Variants in ABHD17C observed in about 807,000 individuals in gnomAD.
ABHD17C encodes abhydrolase domain containing 17C, depalmitoylase.
A neutral mutation model predicts 27.9 loss-of-function variants in ABHD17C; 11 were observed. The ratio of observed to expected loss-of-function variants is 0.39; its 90% CI spans 0.25 to 0.65. The LOEUF is 0.65. ABHD17C is among the 30% of genes least tolerant of loss of function. The pLI is 0.45. For synonymous variants in ABHD17C, 233 were observed against 209.1 expected (o/e 1.11, Z -0.98); for missense variants, 280 against 470.2 (o/e 0.60, Z 3.74).
At chr15:80,740,038 GT>G (rs1895187627) in intron 1 of ABHD17C, among the ~76,000 whole-genome samples, 1 of 152,084 alleles carries the variant, frequency 6.6e-6, no homozygotes, top group South Asian at 2.1e-4. Flanking sequence ...GTTTTCATTT[GT>G]TTTGTTTTCT....
chr15:80,740,318 C>T (rs532448677), intron 1 of ABHD17C, among the ~76,000 whole-genome samples: 3 of 152,240 alleles, frequency 2.0e-5, no homozygotes, highest in Admixed American at 6.5e-5. Flanking sequence ...TGAGCCCTTA[C>T]GATAGACTCT....
intron 2 of ABHD17C, 51 bp downstream of exon 2, chr15:80,749,743 A>G: frequency 9.0e-6 from 14 of 1,554,132 alleles, no homozygotes; most frequent in Non-Finnish European, 1.2e-5. Flanking sequence ...GACTGTGTTT[A>G]TATCTGATGC....
rs183067783 is a variant in ABHD17C, at chr15:80,755,254, T to G, written c.*884T>G. On this transcript the variant is annotated 3_prime_UTR_variant, in exon 3 of 3. Coordinates refer to ENST00000258884, the MANE Select transcript of ABHD17C (RefSeq NM_021214.2). The stretch of plus-strand genomic sequence containing the variant: ...ATATGTTTTTATTCCTATGTTTTGC[T>G]ATTAAAAATTTTATAACATTTCCAA... The G allele has an allele frequency of 1.3e-5, 2 of 152,354 alleles. No individual in the cohort carries two copies. The highest frequency in any genetic ancestry group is 1.3e-4 in the Admixed American group (2 of 15,310). The allele number at this position is 152,354 out of a possible 1,614,324, so 9.4% of individuals were successfully genotyped here. A position where few individuals can be genotyped will look rare whatever the true frequency, so the allele number is the denominator to read the frequency against.
intron 1 of ABHD17C, among the ~76,000 whole-genome samples, chr15:80,710,523 A>G (rs1299545938): frequency 6.6e-6 from 1 of 152,218 alleles, no homozygotes; most frequent in Non-Finnish European, 1.5e-5. Context: ...ATGCAAATGC[A>G]GTATTTTAGA....
At chr15:80,698,176 T>A (rs1201153731) in intron 1 of ABHD17C, among the ~76,000 whole-genome samples, 3 of 149,590 alleles carry the variant, frequency 2.0e-5, no homozygotes, top group Non-Finnish European at 4.4e-5. Flanking sequence ...GCCATTCTCC[T>A]ACCTCAGCCT....
At chr15:80,726,888 A>G (rs1894988220) in intron 1 of ABHD17C, among the ~76,000 whole-genome samples, 1 of 152,120 alleles carries the variant, frequency 6.6e-6, no homozygotes, top group Non-Finnish European at 1.5e-5. Flanking sequence ...ATTTACTTTG[A>G]TTCTTAAGTT....
chr15:80,724,246 T>C (rs1894940481), intron 1 of ABHD17C, among the ~76,000 whole-genome samples: 2 of 151,972 alleles, frequency 1.3e-5, no homozygotes, highest in African/African-American at 4.8e-5. Flanking sequence ...GAGGATTACT[T>C]GAGCCCAGGA....
At chr15:80,735,431 ACT>A (rs1596070487) in intron 1 of ABHD17C, among the ~76,000 whole-genome samples, 1 of 151,624 alleles carries the variant, frequency 6.6e-6, no homozygotes, top group East Asian at 1.9e-4. Context: ...TAAGAGCAAC[ACT>A]CTTCTGCAAA....
At chr15:80,725,378 TC>T (rs1377546378) in intron 1 of ABHD17C, among the ~76,000 whole-genome samples, 1 of 152,252 alleles carries the variant, frequency 6.6e-6, no homozygotes, top group East Asian at 1.9e-4. Flanking sequence ...TGTGTGATTA[TC>T]TGCAGGTTCT....
intron 1 of ABHD17C, among the ~76,000 whole-genome samples, chr15:80,744,216 A>C (rs532017478): frequency 1.3e-5 from 2 of 152,294 alleles, no homozygotes; most frequent in Admixed American, 6.5e-5. Flanking sequence ...GAATCCGCAC[A>C]CCCACTGAAT....
chr15:80,711,517 C>T (rs1478777783), intron 1 of ABHD17C, among the ~76,000 whole-genome samples: 6 of 152,214 alleles, frequency 3.9e-5, no homozygotes, highest in Non-Finnish European at 7.3e-5. Context: ...GTCATTACTG[C>T]ATGCTGCCTG....
chr15:80,725,880 T>C lies in ABHD17C; in HGVS notation c.591-23633T>C, dbSNP rs368086679. ...TGTTGCTGTGCTGAGACCAGCTCGG[T>C]TGGGGAGACCCTAACCCAGCGGCAC... On this transcript the variant is annotated intron_variant, in intron 1 of 2. Transcript: ENST00000258884. Among the ~76,000 whole-genome samples, 15 of 152,222 alleles carry C rather than the reference T, an allele frequency of 9.9e-5. No homozygotes were observed. The South Asian group carries it at 1.5e-3, about 15-fold the overall frequency.
intron 1 of ABHD17C, among the ~76,000 whole-genome samples, chr15:80,707,602 T>C (rs1039166046): frequency 5.9e-5 from 9 of 151,654 alleles, no homozygotes; most frequent in African/African-American, 2.2e-4. Context: ...TCTCACAATG[T>C]TTTAAGAAAG....
intron 1 of ABHD17C, among the ~76,000 whole-genome samples, chr15:80,739,080 C>A (rs912021466): frequency 6.6e-6 from 1 of 152,162 alleles, no homozygotes; most frequent in Non-Finnish European, 1.5e-5. Context: ...CCAGAAAGAG[C>A]AGGGTAGATC....
chr15:80,726,681 T>C (rs1894984261), intron 1 of ABHD17C, among the ~76,000 whole-genome samples: 1 of 151,630 alleles, frequency 6.6e-6, no homozygotes, highest in African/African-American at 2.4e-5. Flanking sequence ...CCCAGCGAAT[T>C]TTTTGTATTT....
intron 1 of ABHD17C, among the ~76,000 whole-genome samples, chr15:80,715,942 G>T (rs1233432230): frequency 1.3e-5 from 2 of 152,076 alleles, no homozygotes; most frequent in African/African-American, 4.8e-5. Flanking sequence ...TAGAGCAATT[G>T]AATTTTAATT....
intron 1 of ABHD17C, among the ~76,000 whole-genome samples, chr15:80,706,413 C>G (rs1327811056): frequency 6.6e-6 from 1 of 152,190 alleles, no homozygotes; most frequent in East Asian, 1.9e-4. Context: ...TAACCTCAAG[C>G]TTACTTGTTA....
At chr15:80,705,420 TGATTAGCTGCTTGACCTCA>T (rs1894634825) in intron 1 of ABHD17C, among the ~76,000 whole-genome samples, 1 of 148,696 alleles carries the variant, frequency 6.7e-6, no homozygotes, top group Non-Finnish European at 1.5e-5. Context: ...GTCCTGCCTG[TGATTAGCTGCTTGACCTCA>T]GGCAAGTTTT....
Position 80,695,806 on chromosome 15 carries a change from G to C in ABHD17C, c.377G>C (p.Arg126Pro). 5 of 1,555,926 alleles carry C rather than the reference G, an allele frequency of 3.2e-6. No individual in the cohort carries two copies. Among genetic ancestry groups the C allele is most frequent in the Non-Finnish European group, 4.3e-6 (5 of 1,160,332 alleles). ...AACCGGCTCGGCTGCATGTTCGTGC[G>C]CTGCGCGCCCTCCAGCCGCTACACG... ...RDNRLGCMFV[R>P]CAPSSRYTLL... is the part of the protein sequence containing the mutation. The change falls in exon 1 of 3, where the codon CGC becomes CCC. Residue 126 changes from arginine to proline, a missense_variant. Physicochemically the swap from Arg to Pro is moderately radical, Grantham distance 103 (BLOSUM62 -2). Around this residue, in one of 2 missense-constraint regions of ABHD17C, gnomAD observed 206 missense variants for 394.7 expected, o/e 0.52. Transcript: ENST00000258884. This position sits in a 1 kb window ranked among gnomAD's most constrained non-coding sequence, Gnocchi z 4.3.
Sources: gnomAD v4.1 joint callset for allele counts (sites outside exome capture counted in the v4.1 genomes callset) on GRCh38, gnomAD v4.1.1 for gene constraint, gnomAD v4.1.1 regional missense constraint, Gnocchi (gnomAD v3.1) non-coding constraint, MANE v1.5 for transcripts, NCBI Gene and HGNC (gene_info 2026-07-23, HGNC 2026-07-21) for gene names.